The following MAGI1 variants were observed in gnomAD, a reference collection of about 807,000 sequenced individuals.
The protein encoded by MAGI1 is membrane associated guanylate kinase, WW and PDZ domain containing 1.
In MAGI1, 58 loss-of-function variants were observed where a neutral mutation model predicts 139.9. The ratio of observed to expected loss-of-function variants is 0.41; its 90% confidence interval spans 0.34 to 0.52. The LOEUF (loss-of-function observed/expected upper bound fraction) is 0.52. Ranked by LOEUF, MAGI1 falls within the 20% of genes least tolerant of loss-of-function variation. MAGI1 has a pLI of 0.12. For synonymous variants in MAGI1, 812 were observed against 737.9 expected (o/e 1.10, Z -1.63); for missense variants, 1,874 against 1,901.6 (o/e 0.99, Z 0.27).
At chr3:65,669,909 T>C (rs954795977) in intron 1 of MAGI1, among the ~76,000 whole-genome samples, 13 of 152,336 alleles carry the variant, frequency 8.5e-5, no homozygotes, top group African/African-American at 3.1e-4. Context: ...GATCAATTTT[T>C]TTCCTTGCAA....
At chr3:65,471,813 G>C (rs1426696100) in intron 4 of MAGI1, among the ~76,000 whole-genome samples, 3 of 152,176 alleles carry the variant, frequency 2.0e-5, no homozygotes, top group African/African-American at 7.2e-5. Context: ...AGATTTACTG[G>C]AACCATGAAG....
At chr3:66,031,783 CA>C (rs62941061) in intron 1 of MAGI1, among the ~76,000 whole-genome samples, 3 of 148,588 alleles carry the variant, frequency 2.0e-5, no homozygotes, top group African/African-American at 5.0e-5. Flanking sequence ...TGCTATTAGC[CA>C]AAAAAAAAAG....
At chr3:65,538,291 C>A (rs1339432862) in intron 2 of MAGI1, among the ~76,000 whole-genome samples, 7 of 152,162 alleles carry the variant, frequency 4.6e-5, no homozygotes, top group African/African-American at 1.4e-4. Flanking sequence ...CTTGTAAATT[C>A]TCCATATAAA....
intron 2 of MAGI1, among the ~76,000 whole-genome samples, chr3:65,606,032 T>C (rs1024911517): frequency 1.4e-5 from 2 of 144,774 alleles, no homozygotes; most frequent in African/African-American, 2.5e-5. Flanking sequence ...ACTCATCAGA[T>C]ACATGGACAT....
At chr3:65,859,907 T>G (rs13085324) in intron 1 of MAGI1, among the ~76,000 whole-genome samples, 3 of 120,134 alleles carry the variant, frequency 2.5e-5, no homozygotes, top group South Asian at 2.8e-4. Flanking sequence ...TTTGTTTTTG[T>G]TTTTTTTTTT....
Position 65,806,494 on chromosome 3 carries a change from A to G in MAGI1, c.314-184406T>C, listed in dbSNP as rs563777452. Among the ~76,000 whole-genome samples, 8 of 152,164 alleles carry G rather than the reference A, an allele frequency of 5.3e-5. No individual in the cohort carries two copies. The East Asian group carries it at 1.5e-3, about 29-fold the overall frequency. On this transcript the variant is annotated intron_variant, in intron 1 of 22. Transcript: ENST00000402939. ...TAGGGCAAACGCCGAGCTGTAACCA[A>G]TTCAACTGTTACTGTACCTCACTTC...
intron 1 of MAGI1, among the ~76,000 whole-genome samples, chr3:65,920,409 G>A (rs755209371): frequency 5.1e-4 from 77 of 152,164 alleles, no homozygotes; most frequent in Non-Finnish European, 6.6e-4. Flanking sequence ...AATTCTGACA[G>A]TCACACACAA....
chr3:65,628,733 C>T (rs1278194019), intron 1 of MAGI1, among the ~76,000 whole-genome samples: 8 of 152,174 alleles, frequency 5.3e-5, no homozygotes, highest in Non-Finnish European at 1.2e-4. Context: ...CATCCAGCTG[C>T]CACTAACTCT....
intron 1 of MAGI1, among the ~76,000 whole-genome samples, chr3:65,913,478 G>C (rs942743849): frequency 3.9e-5 from 6 of 152,218 alleles, no homozygotes; most frequent in Non-Finnish European, 8.8e-5. Flanking sequence ...CCCAAAGTAT[G>C]GCCTGTAGAA....
intron 1 of MAGI1, among the ~76,000 whole-genome samples, chr3:66,021,833 T>G (rs1400743711): frequency 6.6e-6 from 1 of 152,088 alleles, no homozygotes; most frequent in Admixed American, 6.6e-5. Flanking sequence ...CACGCCCCGG[T>G]GACTATAACT....
At chr3:65,972,418 C>T (rs2065056090) in intron 1 of MAGI1, among the ~76,000 whole-genome samples, 1 of 151,998 alleles carries the variant, frequency 6.6e-6, no homozygotes, top group Admixed American at 6.6e-5. Context: ...AAGACATATG[C>T]CTGTGACATA....
chr3:65,989,535 T>G (rs77412992), intron 1 of MAGI1, among the ~76,000 whole-genome samples: 1 of 152,100 alleles, frequency 6.6e-6, no homozygotes, highest in South Asian at 2.1e-4. Context: ...ATAAATTTAT[T>G]TTTATTTATT....
At chr3:65,701,337 C>T (rs141057409) in intron 1 of MAGI1, among the ~76,000 whole-genome samples, 3 of 152,292 alleles carry the variant, frequency 2.0e-5, no homozygotes, top group African/African-American at 4.8e-5. Flanking sequence ...ACTGCAACCT[C>T]CACCTCCCGG....
At chr3:65,930,680 G>C (rs546694702) in intron 1 of MAGI1, among the ~76,000 whole-genome samples, 3 of 152,110 alleles carry the variant, frequency 2.0e-5, no homozygotes, top group African/African-American at 7.2e-5. Context: ...GATTAAACAG[G>C]TTGCGGTAAA....
chr3:65,802,205 G>T (rs545139394), intron 1 of MAGI1, among the ~76,000 whole-genome samples: 3 of 152,014 alleles, frequency 2.0e-5, no homozygotes, highest in African/African-American at 7.2e-5. Flanking sequence ...TATGTGCAAC[G>T]CATTATTCTT....
chr3:65,813,112 A>C (rs1050792756), intron 1 of MAGI1, among the ~76,000 whole-genome samples: 8 of 152,222 alleles, frequency 5.3e-5, no homozygotes, highest in Non-Finnish European at 1.2e-4. Flanking sequence ...AAGGAAACGA[A>C]ACCATCTTCA....
intron 1 of MAGI1, among the ~76,000 whole-genome samples, chr3:66,030,838 C>T (rs1330446278): frequency 6.6e-6 from 1 of 152,122 alleles, no homozygotes; most frequent in Non-Finnish European, 1.5e-5. Context: ...AATTACTGAG[C>T]CATAAAAAGA....
chr3:66,004,093 G>C (rs2066890658), intron 1 of MAGI1, among the ~76,000 whole-genome samples: 1 of 152,152 alleles, frequency 6.6e-6, no homozygotes, highest in Non-Finnish European at 1.5e-5. Flanking sequence ...CGCCAAAACA[G>C]ATGTGGGGAA....
intron 1 of MAGI1, among the ~76,000 whole-genome samples, chr3:65,766,876 G>A (rs568924113): frequency 3.9e-5 from 6 of 152,148 alleles, no homozygotes; most frequent in African/African-American, 9.6e-5. Flanking sequence ...GTGACAGAGC[G>A]AGACTCCATC....
Sources: gnomAD v4.1 joint callset for allele counts (sites outside exome capture counted in the v4.1 genomes callset) on GRCh38, gnomAD v4.1.1 for gene constraint, MANE v1.5 for transcripts, NCBI Gene and HGNC (gene_info 2026-07-23, HGNC 2026-07-21) for gene names.